The following TIMM23B variants were observed in gnomAD, a reference collection of about 807,000 sequenced individuals.
TIMM23B encodes mitochondrial import inner membrane translocase subunit Tim23B.
TIMM23B carries 27 observed loss-of-function variants against 27.3 expected under a neutral mutation model. The observed-to-expected ratio is 0.99, with a 90% CI of 0.73 to 1.36. The LOEUF (loss-of-function observed/expected upper bound fraction) is 1.36. TIMM23B is among the 40% of genes most tolerant of loss of function. TIMM23B has a pLI of 0.00. For missense variants in TIMM23B, 205 were observed against 244.2 expected (o/e 0.84, Z 1.07); for synonymous variants, 73 against 92.4 (o/e 0.79, Z 1.21).
chr10:49,957,662 G>A (rs1839771005), intron 5 of TIMM23B, among the ~76,000 whole-genome samples: 1 of 152,138 alleles, frequency 6.6e-6, no homozygotes. Flanking sequence ...GAGTTGGGGT[G>A]CACTAGCCTC....
intron 1 of TIMM23B, 46 bp downstream of exon 1, chr10:49,942,346 G>A (rs1839143919): frequency 6.3e-7 from 1 of 1,577,586 alleles, no homozygotes; most frequent in Non-Finnish European, 8.6e-7. Flanking sequence ...TGGTTCTTGC[G>A]TTTACACTAA....
chr10:49,950,911 C>T (rs1490712681), intron 2 of TIMM23B, among the ~76,000 whole-genome samples: 1 of 152,164 alleles, frequency 6.6e-6, no homozygotes, highest in Non-Finnish European at 1.5e-5. Flanking sequence ...TCTCAGCAAC[C>T]ATGGCCTGAG....
chr10:49,962,736 C>T (rs12258465), intron 6 of TIMM23B, among the ~76,000 whole-genome samples: 3 of 152,180 alleles, frequency 2.0e-5, no homozygotes, highest in South Asian at 2.1e-4. Flanking sequence ...TAAACACTGT[C>T]GTACATACAG....
intron 5 of TIMM23B, among the ~76,000 whole-genome samples, chr10:49,956,328 G>C (rs1464067227): frequency 6.6e-6 from 1 of 151,724 alleles, no homozygotes; most frequent in Non-Finnish European, 1.5e-5. Context: ...AAGATGGCTT[G>C]GGGGAAGATA....
rs1163694592 is a variant in TIMM23B, at chr10:49,960,053, T to A, written c.514+1573T>A. The stretch of plus-strand genomic sequence containing the variant: ...GTGAGCCACCACTCCCAGCTTATTT[T>A]AATTTTTTTTTTAAGACAGAGTCTC... On this transcript the variant is annotated intron_variant, in intron 6 of 6. Transcript: ENST00000651259. Among the ~76,000 whole-genome samples, 542 of 148,098 alleles carry A rather than the reference T, an allele frequency of 3.7e-3. 1 individual carries two copies. Among genetic ancestry groups the A allele is most frequent in the African/African-American group, 0.012 (501 of 40,162 alleles).
chr10:49,958,357 A>G lies in TIMM23B; in HGVS notation c.404-13A>G. The G allele has an allele frequency of 6.2e-7, 1 of 1,613,552 alleles. No individual in the cohort carries two copies. The highest frequency in any genetic ancestry group is 8.5e-7 in the Non-Finnish European group (1 of 1,179,534). On this transcript the variant is annotated splice_polypyrimidine_tract_variant and intron_variant, in intron 5 of 6. Coordinates refer to ENST00000651259, the MANE Select transcript of TIMM23B (RefSeq NM_001290117.2). ...CACTGTTTTGTCACTGAGCACTTCC[A>G]TTTCCTCTTTAGCGTTGCTCTATAG...
intron 6 of TIMM23B, among the ~76,000 whole-genome samples, chr10:49,967,212 G>A (rs1412915185): frequency 2.0e-5 from 3 of 151,998 alleles, no homozygotes; most frequent in South Asian, 4.1e-4. Context: ...GTGAACCACC[G>A]CGCCCGGCCC....
At chr10:49,963,522 G>A (rs868984571) in intron 6 of TIMM23B, among the ~76,000 whole-genome samples, 9 of 152,100 alleles carry the variant, frequency 5.9e-5, no homozygotes, top group East Asian at 1.9e-4. Context: ...ATGAAATGCC[G>A]GGTGAAATGA....
At chr10:49,949,466 A>G (rs1301372378) in intron 2 of TIMM23B, among the ~76,000 whole-genome samples, 1 of 151,924 alleles carries the variant, frequency 6.6e-6, no homozygotes, top group Non-Finnish European at 1.5e-5. Flanking sequence ...AACTAGTTGC[A>G]TGTATTTTGC....
At chr10:49,965,176 C>T (rs2132050912) in intron 6 of TIMM23B, among the ~76,000 whole-genome samples, 1 of 151,670 alleles carries the variant, frequency 6.6e-6, no homozygotes, top group East Asian at 2.0e-4. Context: ...GCAGAGATCA[C>T]ACCACTGCAC....
chr10:49,971,158 C>T (rs1293430587), intron 6 of TIMM23B, among the ~76,000 whole-genome samples: 2 of 151,982 alleles, frequency 1.3e-5, no homozygotes, highest in Non-Finnish European at 2.9e-5. Flanking sequence ...TCACCGCTCC[C>T]TAATCTCAAG....
chr10:49,966,730 G>T (rs780726792), intron 6 of TIMM23B, among the ~76,000 whole-genome samples: 1 of 151,928 alleles, frequency 6.6e-6, no homozygotes, highest in Non-Finnish European at 1.5e-5. Flanking sequence ...GAGGCAGAGA[G>T]AGGAGAATCG....
At chr10:49,942,370 A>G in intron 1 of TIMM23B, 70 bp downstream of exon 1, 11 of 1,552,582 alleles carry the variant, frequency 7.1e-6, no homozygotes, top group Non-Finnish European at 9.6e-6. Context: ...TGCGCGTCCC[A>G]TGTTTTATGT....
chr10:49,943,737 G>GTTT (rs35547755), intron 1 of TIMM23B, among the ~76,000 whole-genome samples: 20 of 113,592 alleles, frequency 1.8e-4, no homozygotes, highest in African/African-American at 3.5e-4. Flanking sequence ...GTTTTTGTGG[G>GTTT]TTTTTTTTTT....
chr10:49,950,209 T>C lies in TIMM23B; in HGVS notation c.166-1917T>C, dbSNP rs1205197420. Among the ~76,000 whole-genome samples the C allele has an allele frequency of 2.6e-5, 4 of 150,944 alleles. No individual in the cohort carries two copies. The East Asian group carries it at 5.8e-4, about 22-fold the overall frequency. On this transcript the variant is annotated intron_variant, in intron 2 of 6. Coordinates refer to ENST00000651259, the MANE Select transcript of TIMM23B (RefSeq NM_001290117.2). ...ATTAAAAAAGTTTTTTCTTTTTTTT[T>C]TTTTTTTTTTCCCCCAGCAAGTACA... is the stretch of plus-strand genomic sequence containing the variant.
intron 1 of TIMM23B, 65 bp downstream of exon 1, chr10:49,942,365 G>A: frequency 6.4e-7 from 1 of 1,560,078 alleles, no homozygotes; most frequent in Admixed American, 1.9e-5. Flanking sequence ...AAAGTTGCGC[G>A]TCCCATGTTT....
chr10:49,954,916 C>T, intron 4 of TIMM23B, 86 bp from the exon 5 acceptor site: 1 of 1,525,566 alleles, frequency 6.6e-7, no homozygotes, highest in Non-Finnish European at 9.1e-7. Flanking sequence ...TGGGTCTAGA[C>T]ATGTTAAATA....
intron 5 of TIMM23B, 50 bp from the exon 6 acceptor site, chr10:49,958,320 A>G (rs1345294779): frequency 7.0e-7 from 1 of 1,429,036 alleles, no homozygotes; most frequent in Non-Finnish European, 9.9e-7. Flanking sequence ...ATATCATAAT[A>G]TCACACTTTA....
intron 2 of TIMM23B, among the ~76,000 whole-genome samples, chr10:49,948,362 C>T (rs1442695699): frequency 1.3e-5 from 2 of 151,802 alleles, no homozygotes; most frequent in African/African-American, 4.8e-5. Flanking sequence ...ATTTCACTTG[C>T]GTATACTCCA....
Sources: allele counts gnomAD v4.1 joint callset (sites outside exome capture counted in the v4.1 genomes callset), GRCh38; gene constraint gnomAD v4.1.1; transcripts MANE v1.5; gene names NCBI Gene and HGNC (gene_info 2026-07-23, HGNC 2026-07-21).